The following GREB1L variants were observed in gnomAD, a reference collection of about 807,000 sequenced individuals.
GREB1L encodes GREB1-like protein.
Under a neutral mutation model 200.8 loss-of-function variants are expected in GREB1L, and 17 were observed. The ratio of observed to expected loss-of-function variants is 0.08; its 90% CI spans 0.06 to 0.13. GREB1L has a LOEUF of 0.13. Among genes scored for constraint, GREB1L ranks in the 10% least tolerant of loss-of-function variants. The pLI is 1.00. For missense variants in GREB1L, 1,657 were observed against 2,367.7 expected (o/e 0.70, Z 6.23); for synonymous variants, 789 against 893.0 (o/e 0.88, Z 2.08).
chr18:21,491,930 G>C (rs1326176775), intron 19 of GREB1L, among the ~76,000 whole-genome samples: 2 of 152,004 alleles, frequency 1.3e-5, no homozygotes, highest in African/African-American at 4.8e-5. Context: ...TTATGTTATA[G>C]TCATAGACTA....
intron 1 of GREB1L, among the ~76,000 whole-genome samples, chr18:21,251,209 C>T (rs2037697762): frequency 6.6e-6 from 1 of 152,100 alleles, no homozygotes; most frequent in African/African-American, 2.4e-5. Context: ...AATTTGAGGG[C>T]TGTCTTTTCC....
At chr18:21,441,583 G>A in intron 10 of GREB1L, 46 bp downstream of exon 10, 1 of 1,501,678 alleles carries the variant, frequency 6.7e-7, no homozygotes, top group Non-Finnish European at 9.0e-7. Flanking sequence ...TGGAATCTAG[G>A]AGTGTTTTTC....
intron 1 of GREB1L, among the ~76,000 whole-genome samples, chr18:21,347,762 C>CT (rs761498957): frequency 0.078 from 8,883 of 114,228 alleles, 1,179 homozygotes; most frequent in African/African-American, 0.25. Flanking sequence ...GCCCCCCGAC[C>CT]TTTTTTTTTT....
At chr18:21,381,525 C>T (rs1044185025) in intron 2 of GREB1L, among the ~76,000 whole-genome samples, 1 of 152,010 alleles carries the variant, frequency 6.6e-6, no homozygotes. Context: ...AATAAAACCC[C>T]ACTGTATATG....
At chr18:21,349,417 C>G (rs1346465161) in intron 1 of GREB1L, among the ~76,000 whole-genome samples, 1 of 152,150 alleles carries the variant, frequency 6.6e-6, no homozygotes, top group Admixed American at 6.5e-5. Flanking sequence ...CTAAAATACA[C>G]TATGCCTTTG....
Position 21,396,487 on chromosome 18 carries a change from G to C in GREB1L, c.532+926G>C, listed in dbSNP as rs924473736. ...CACTCTCTATAGTCATTGATATCAA[G>C]TCAGCTCTGATATTGGACCTGATAT... On this transcript the variant is annotated intron_variant, in intron 5 of 32. Coordinates refer to ENST00000424526, the MANE Select transcript of GREB1L (RefSeq NM_001142966.3). Among the ~76,000 whole-genome samples the C allele has an allele frequency of 2.0e-5, 3 of 152,244 alleles. No individual in the cohort carries two copies. In the East Asian group the frequency reaches 5.8e-4, roughly 29 times the overall value.
chr18:21,285,784 G>A (rs2038345369), intron 1 of GREB1L, among the ~76,000 whole-genome samples: 1 of 152,188 alleles, frequency 6.6e-6, no homozygotes, highest in Non-Finnish European at 1.5e-5. Context: ...ATACTAAGTT[G>A]TTATCTAGCA....
intron 1 of GREB1L, among the ~76,000 whole-genome samples, chr18:21,295,318 C>CTAA (rs2038509904): frequency 1.3e-5 from 2 of 151,282 alleles, no homozygotes; most frequent in Admixed American, 1.3e-4. Context: ...ACATCTTAAC[C>CTAA]TAAAGGTCAT....
Position 21,505,560 on chromosome 18 carries a change from C to A in GREB1L, c.4221C>A (p.Val1407=). ...SLVYTEKLAG[V]KQEVIKESKV... is the part of the protein sequence containing the mutation. ...TGTATACTGAGAAGCTGGCAGGGGTCAAACAAGGTCAGTGCAATCAGCCAA... is the reference window on the plus strand; with the variant it reads ...TGTATACTGAGAAGCTGGCAGGGGTAAAACAAGGTCAGTGCAATCAGCCAA... Residue 1407 remains valine (V), a synonymous_variant, in exon 24 of 33, where the codon GTC becomes GTA. Coordinates refer to ENST00000424526, the MANE Select transcript of GREB1L (RefSeq NM_001142966.3). 6.4e-7 allele frequency: 1 copy of A among 1,551,744 alleles called. No homozygotes were observed. Among genetic ancestry groups the A allele is most frequent in the Non-Finnish European group, 8.7e-7 (1 of 1,146,998 alleles).
chr18:21,302,744 C>T (rs866429249), intron 1 of GREB1L, among the ~76,000 whole-genome samples: 6 of 150,962 alleles, frequency 4.0e-5, no homozygotes, highest in South Asian at 2.1e-4. Flanking sequence ...TGTTTTGAGA[C>T]GGAGTCTTGC....
At chr18:21,399,286 T>C (rs961911162) in intron 5 of GREB1L, among the ~76,000 whole-genome samples, 2 of 152,182 alleles carry the variant, frequency 1.3e-5, no homozygotes, top group African/African-American at 4.8e-5. Context: ...GGTCAGGCAG[T>C]TTTCCATGAA....
At chr18:21,462,289 G>C (rs1171064452) in intron 15 of GREB1L, among the ~76,000 whole-genome samples, 3 of 152,232 alleles carry the variant, frequency 2.0e-5, no homozygotes, top group Non-Finnish European at 2.9e-5. Flanking sequence ...AATTAAGTTA[G>C]TAAGGAAACA....
intron 17 of GREB1L, among the ~76,000 whole-genome samples, chr18:21,484,777 C>T (rs927780944): frequency 1.3e-5 from 2 of 152,024 alleles, no homozygotes; most frequent in Non-Finnish European, 2.9e-5. Flanking sequence ...GAGCCAAGAT[C>T]GCACCATTGC....
chr18:21,282,820 G>A (rs1405979356), intron 1 of GREB1L, among the ~76,000 whole-genome samples: 4 of 152,204 alleles, frequency 2.6e-5, no homozygotes, highest in South Asian at 2.1e-4. Context: ...GGCTGGTCTC[G>A]AACCCCTGAC....
intron 5 of GREB1L, among the ~76,000 whole-genome samples, chr18:21,399,470 T>TGGATGGAA (rs1223790198): frequency 1.3e-5 from 2 of 150,938 alleles, no homozygotes; most frequent in Non-Finnish European, 3.0e-5. Flanking sequence ...GATGGATGGA[T>TGGATGGAA]GGATGGATGG....
chr18:21,254,088 G>C (rs1258480666), intron 1 of GREB1L, among the ~76,000 whole-genome samples: 1 of 20,580 alleles, frequency 4.9e-5, no homozygotes, highest in Non-Finnish European at 8.3e-5. Flanking sequence ...TTTTTTTTTT[G>C]CTAGAGAGTC....
At chr18:21,276,949 T>TA (rs1491406000) in intron 1 of GREB1L, among the ~76,000 whole-genome samples, 10 of 125,196 alleles carry the variant, frequency 8.0e-5, no homozygotes, top group East Asian at 2.2e-4. Context: ...TTTTTTTTTT[T>TA]ACGGAATCTT....
chr18:21,505,819 A>G lies in GREB1L; in HGVS notation c.4238A>G (p.Lys1413Arg). Residue 1413 changes from lysine (K) to arginine (R), a missense_variant, in exon 25 of 33, where the codon AAG becomes AGG. Transcript: ENST00000424526. ...KLAGVKQEVI[K>R]ESKVEEPRKR... ...GCCCCTTTATACACAGAAGTGATAA[A>G]GGAATCCAAAGTTGAAGAGCCCAGG... The G allele has an allele frequency of 1.9e-6, 3 of 1,551,690 alleles. No individual in the cohort carries two copies. The highest frequency in any genetic ancestry group is 2.6e-6 in the Non-Finnish European group (3 of 1,146,936).
chr18:21,396,741 T>A (rs1567976982), intron 5 of GREB1L, among the ~76,000 whole-genome samples: 1 of 152,242 alleles, frequency 6.6e-6, no homozygotes, highest in Non-Finnish European at 1.5e-5. Context: ...AGAATTATTT[T>A]ACTTTCTGAT....
Sources: allele counts gnomAD v4.1 joint callset (sites outside exome capture counted in the v4.1 genomes callset), GRCh38; gene constraint gnomAD v4.1.1; transcripts MANE v1.5; gene names NCBI Gene and HGNC (gene_info 2026-07-23, HGNC 2026-07-21).